KCTD8: variants seen among roughly 807,000 people sequenced by gnomAD.
KCTD8 encodes BTB/POZ domain-containing protein KCTD8.
KCTD8 carries 27 observed loss-of-function variants against 31.5 expected under a neutral mutation model. The observed-to-expected ratio is 0.86, with a 90% CI of 0.63 to 1.18. The LOEUF (loss-of-function observed/expected upper bound fraction) is 1.18, where lower values mean the gene tolerates loss of function less well. KCTD8 is among the 50% of genes most tolerant of loss of function. The pLI is 0.00. For missense variants in KCTD8, 658 were observed against 647.7 expected, an observed-to-expected ratio of 1.02 and a Z score of -0.17; for synonymous variants, 290 against 280.0, an observed-to-expected ratio of 1.04 and a Z score of -0.36.
chr4:44,178,299 T>C (rs1021612674), intron 1 of KCTD8, among the ~76,000 whole-genome samples: 2 of 152,140 alleles, frequency 1.3e-5, no homozygotes, highest in Non-Finnish European at 2.9e-5. Flanking sequence ...GCATATGTCA[T>C]ATACATCCCT....
chr4:44,349,512 G>A (rs1185767410), intron 1 of KCTD8, among the ~76,000 whole-genome samples: 1 of 152,162 alleles, frequency 6.6e-6, no homozygotes, highest in Non-Finnish European at 1.5e-5. Context: ...CCAGAATAAA[G>A]CATGACTGTG....
intron 1 of KCTD8, among the ~76,000 whole-genome samples, chr4:44,321,240 A>C (rs909613513): frequency 6.6e-6 from 1 of 152,186 alleles, no homozygotes; most frequent in Non-Finnish European, 1.5e-5. Context: ...AATCAGGAAC[A>C]ATGCTATTTT....
chr4:44,290,515 C>T (rs1022447523), intron 1 of KCTD8, among the ~76,000 whole-genome samples: 1 of 152,186 alleles, frequency 6.6e-6, no homozygotes, highest in African/African-American at 2.4e-5. Context: ...ATATATTCTT[C>T]TCATCTGCAC....
intron 1 of KCTD8, among the ~76,000 whole-genome samples, chr4:44,368,720 T>A (rs574889519): frequency 3.9e-4 from 60 of 152,330 alleles, no homozygotes; most frequent in African/African-American, 1.3e-3. Context: ...TAAGCCCTAT[T>A]GATTCATCTT....
At chr4:44,426,323 T>C (rs1721344775) in intron 1 of KCTD8, among the ~76,000 whole-genome samples, 1 of 126,014 alleles carries the variant, frequency 7.9e-6, no homozygotes, top group East Asian at 2.5e-4. Flanking sequence ...CAAAAAAAAT[T>C]AGGAAAAATT....
At chr4:44,369,129 G>C (rs1050970452) in intron 1 of KCTD8, among the ~76,000 whole-genome samples, 4 of 152,204 alleles carry the variant, frequency 2.6e-5, no homozygotes, top group Admixed American at 2.0e-4. Context: ...TACTTACTAG[G>C]ATGAAAGAGC....
intron 1 of KCTD8, among the ~76,000 whole-genome samples, chr4:44,389,927 T>C: frequency 6.6e-6 from 1 of 152,004 alleles, no homozygotes; most frequent in Non-Finnish European, 1.5e-5. Context: ...GTCATGTGTG[T>C]ATCTTTTTTT....
intron 1 of KCTD8, among the ~76,000 whole-genome samples, chr4:44,389,531 G>GAGTA (rs1227904539): frequency 6.6e-6 from 1 of 151,736 alleles, no homozygotes; most frequent in Non-Finnish European, 1.5e-5. Context: ...CATCTACAAA[G>GAGTA]AGTAGTTAAA....
intron 1 of KCTD8, among the ~76,000 whole-genome samples, chr4:44,369,264 T>C (rs1719720929): frequency 6.6e-6 from 1 of 152,224 alleles, no homozygotes; most frequent in Admixed American, 6.5e-5. Context: ...AATTAGGTCA[T>C]GGTTAGGGTT....
At chr4:44,270,987 T>A (rs1430827667) in intron 1 of KCTD8, among the ~76,000 whole-genome samples, 2 of 152,072 alleles carry the variant, frequency 1.3e-5, no homozygotes, top group African/African-American at 4.8e-5. Flanking sequence ...ATCCTACAAG[T>A]TGACTACATG....
In KCTD8 at chr4:44,174,735, T is replaced by C. The variant is rs1713147108; in HGVS notation, c.*55A>G. The C allele has an allele frequency of 1.5e-6, 2 of 1,333,658 alleles. No individual in the cohort carries two copies. The highest frequency in any genetic ancestry group is 2.7e-5 in the South Asian group (2 of 73,256). The allele number at this position is 1,333,658 out of a possible 1,614,324, so 82.6% of individuals were successfully genotyped here. A position where few individuals can be genotyped will look rare whatever the true frequency, so the allele number is the denominator to read the frequency against. Reference sequence around the variant, plus strand: ...CATTGTTAGGACATCAGTCAGGTGGTGACACTGTAGTAAACATTGAATGTC... The same window carrying C: ...CATTGTTAGGACATCAGTCAGGTGGCGACACTGTAGTAAACATTGAATGTC... On this transcript the variant is annotated 3_prime_UTR_variant, in exon 2 of 2. Coordinates refer to ENST00000360029, the MANE Select transcript of KCTD8 (RefSeq NM_198353.3).
At chr4:44,195,003 G>C (rs1713896819) in intron 1 of KCTD8, among the ~76,000 whole-genome samples, 1 of 150,864 alleles carries the variant, frequency 6.6e-6, no homozygotes, top group South Asian at 2.1e-4. Context: ...TTACAGGCAT[G>C]TACCACCACG....
chr4:44,216,308 T>C (rs1161113659), intron 1 of KCTD8, among the ~76,000 whole-genome samples: 4 of 152,164 alleles, frequency 2.6e-5, no homozygotes, highest in Admixed American at 6.6e-5. Context: ...AGTAGATATA[T>C]TAAATCGTAT....
chr4:44,392,084 A>G (rs1720388693), intron 1 of KCTD8, among the ~76,000 whole-genome samples: 2 of 152,000 alleles, frequency 1.3e-5, no homozygotes, highest in South Asian at 4.1e-4. Flanking sequence ...ACTTTTGGTC[A>G]AAGTGGCCCT....
intron 1 of KCTD8, among the ~76,000 whole-genome samples, chr4:44,419,351 G>T (rs891759793): frequency 6.6e-6 from 1 of 152,164 alleles, no homozygotes; most frequent in African/African-American, 2.4e-5. Flanking sequence ...ACTGAGAAGG[G>T]CCAGGGGCCA....
At position 44,439,900 on chromosome 4, in the gene KCTD8, T is replaced by TTATATTTATTTA. The variant is rs369938951; in HGVS notation, c.961+7662_961+7663insTAAATAAATATA. On this transcript the variant is annotated intron_variant, in intron 1 of 1. Coordinates refer to ENST00000360029, the MANE Select transcript of KCTD8 (RefSeq NM_198353.3). ...AACTTCTAGTCCACCAATCATTTAT[T>TTATATTTATTTA]TTTATTTATTTATTTATTTATTTAT... Among the ~76,000 whole-genome samples, 499 of 133,430 alleles carry TTATATTTATTTA rather than the reference T, an allele frequency of 3.7e-3. 6 individuals carry two copies. The highest frequency in any genetic ancestry group is 5.4e-3 in the Non-Finnish European group (333 of 61,344). 87.5% of individuals were successfully genotyped at this position (133,430 alleles called of 152,430 possible).
chr4:44,205,003 A>G (rs553618805), intron 1 of KCTD8, among the ~76,000 whole-genome samples: 2 of 152,230 alleles, frequency 1.3e-5, no homozygotes, highest in African/African-American at 4.8e-5. Context: ...CTTTGAGTCT[A>G]GTGGACTTTA....
At chr4:44,303,117 T>C (rs1192500001) in intron 1 of KCTD8, among the ~76,000 whole-genome samples, 2 of 152,158 alleles carry the variant, frequency 1.3e-5, no homozygotes, top group African/African-American at 4.8e-5. Context: ...TGGATTCCGT[T>C]TGCCAGTATT....
intron 1 of KCTD8, among the ~76,000 whole-genome samples, chr4:44,235,523 G>GA (rs1715250105): frequency 6.9e-5 from 3 of 43,584 alleles, no homozygotes; most frequent in Non-Finnish European, 1.5e-4. Flanking sequence ...AGAGACACTG[G>GA]ATTATATATA....
Sources: allele counts gnomAD v4.1 joint callset (sites outside exome capture counted in the v4.1 genomes callset), GRCh38; gene constraint gnomAD v4.1.1; transcripts MANE v1.5; gene names NCBI Gene and HGNC (gene_info 2026-07-23, HGNC 2026-07-21).